CDYL2: variants seen among roughly 807,000 people sequenced by gnomAD.
CDYL2 encodes chromodomain Y-like protein 2.
CDYL2 carries 23 observed loss-of-function variants against 49.4 expected under a neutral mutation model. That is an observed-to-expected ratio of 0.47 (90% CI 0.34 to 0.66). The LOEUF (loss-of-function observed/expected upper bound fraction) is 0.66, where lower values mean the gene tolerates loss of function less well. Among genes scored for constraint, CDYL2 ranks in the 30% least tolerant of loss-of-function variants. The pLI, the probability that CDYL2 is intolerant of heterozygous loss-of-function variation, is 0.01. For missense variants in CDYL2, 678 were observed against 656.4 expected, an observed-to-expected ratio of 1.03 and a Z score of -0.36; for synonymous variants, 360 against 268.8, an observed-to-expected ratio of 1.34 and a Z score of -3.32.
At chr16:80,607,068 G>T (rs7195620) in intron 6 of CDYL2, among the ~76,000 whole-genome samples, 1 of 152,032 alleles carries the variant, frequency 6.6e-6, no homozygotes, top group African/African-American at 2.4e-5. Context: ...GACAAGGTGG[G>T]GCAAATTGGT....
At chr16:80,625,152 A>G (rs1003375375) in intron 3 of CDYL2, among the ~76,000 whole-genome samples, 6 of 152,244 alleles carry the variant, frequency 3.9e-5, no homozygotes, top group Admixed American at 3.9e-4. Flanking sequence ...CCCTTAGGTC[A>G]GATGTCTGAT....
chr16:80,729,074 T>C lies in CDYL2; in HGVS notation c.25-43945A>G, dbSNP rs904092732. On this transcript the variant is annotated intron_variant, in intron 1 of 6. Coordinates refer to ENST00000570137, the MANE Select transcript of CDYL2 (RefSeq NM_152342.4). ...AGAAAATAACCAGCTAACATCATAATGACAGGTTCAAATTCACACATAACA... is the reference window on the plus strand; with the variant it reads ...AGAAAATAACCAGCTAACATCATAACGACAGGTTCAAATTCACACATAACA... Among the ~76,000 whole-genome samples the C allele has an allele frequency of 2.6e-5, 4 of 151,646 alleles. No homozygotes were observed. The South Asian group carries it at 8.3e-4, about 32-fold the overall frequency.
intron 2 of CDYL2, among the ~76,000 whole-genome samples, chr16:80,636,135 G>A (rs566136574): frequency 7.7e-4 from 117 of 152,270 alleles, no homozygotes; most frequent in Non-Finnish European, 1.2e-3. Context: ...TACCATTCAG[G>A]ACATAGGCAT....
intron 2 of CDYL2, among the ~76,000 whole-genome samples, chr16:80,650,931 C>T (rs1908555541): frequency 7.6e-6 from 1 of 132,448 alleles, no homozygotes; most frequent in Non-Finnish European, 1.5e-5. Flanking sequence ...CAATTGAGCT[C>T]ATAGAAATAC....
chr16:80,684,117 C>G (rs1910078207), intron 2 of CDYL2, among the ~76,000 whole-genome samples: 1 of 152,210 alleles, frequency 6.6e-6, no homozygotes, highest in African/African-American at 2.4e-5. Context: ...GGCTACACTG[C>G]TGGGGGCATG....
chr16:80,685,567 G>A (rs761979214), intron 1 of CDYL2, among the ~76,000 whole-genome samples: 30 of 152,032 alleles, frequency 2.0e-4, no homozygotes, highest in Non-Finnish European at 2.8e-4. Flanking sequence ...TATATGGGAG[G>A]TACTATGCCA....
intron 1 of CDYL2, among the ~76,000 whole-genome samples, chr16:80,703,125 T>C (rs1904312199): frequency 6.6e-6 from 1 of 152,166 alleles, no homozygotes. Flanking sequence ...ATGTAGAATA[T>C]GCACATACAC....
rs114222757 is a variant in CDYL2, at chr16:80,708,048, G to A, written c.25-22919C>T. On this transcript the variant is annotated intron_variant, in intron 1 of 6. Coordinates refer to ENST00000570137, the MANE Select transcript of CDYL2 (RefSeq NM_152342.4). The stretch of plus-strand genomic sequence containing the variant: ...TCTTTAGGGGTGGGGCAAAGATGAT[G>A]CCCTTTCCCCCTTCATGCCCCATAG... Among the ~76,000 whole-genome samples the A allele has an allele frequency of 6.3e-3, 966 of 152,270 alleles. 14 individuals carry two copies. Among genetic ancestry groups the A allele is most frequent in the African/African-American group, 0.022 (935 of 41,560 alleles).
At chr16:80,669,772 G>A (rs959682554) in intron 2 of CDYL2, among the ~76,000 whole-genome samples, 9 of 152,148 alleles carry the variant, frequency 5.9e-5, no homozygotes, top group Admixed American at 2.6e-4. Context: ...AGCACCTGTC[G>A]GAACTTGGAC....
intron 1 of CDYL2, among the ~76,000 whole-genome samples, chr16:80,733,573 C>T (rs1425752740): frequency 6.6e-6 from 1 of 152,108 alleles, no homozygotes; most frequent in Non-Finnish European, 1.5e-5. Flanking sequence ...ATCACTATGC[C>T]AAGATGGAGA....
At chr16:80,722,559 C>T (rs563163834) in intron 1 of CDYL2, among the ~76,000 whole-genome samples, 1 of 152,302 alleles carries the variant, frequency 6.6e-6, no homozygotes, top group South Asian at 2.1e-4. Flanking sequence ...CTGTAATTGT[C>T]AGAACATAAC....
intron 1 of CDYL2, among the ~76,000 whole-genome samples, chr16:80,705,951 G>A (rs1473993471): frequency 1.3e-5 from 2 of 152,178 alleles, no homozygotes; most frequent in African/African-American, 4.8e-5. Flanking sequence ...ATTTATTAAG[G>A]GAGAAAAGCA....
intron 2 of CDYL2, among the ~76,000 whole-genome samples, chr16:80,647,166 T>C (rs1908386917): frequency 6.6e-6 from 1 of 152,066 alleles, no homozygotes. Flanking sequence ...GTGAAATATC[T>C]CTACAATAAA....
At chr16:80,755,044 T>A (rs1451281060) in intron 1 of CDYL2, among the ~76,000 whole-genome samples, 1 of 152,170 alleles carries the variant, frequency 6.6e-6, no homozygotes, top group Non-Finnish European at 1.5e-5. Context: ...CCAAATAGAC[T>A]TGTGCTTAAA....
intron 5 of CDYL2, among the ~76,000 whole-genome samples, chr16:80,609,267 C>G (rs907804718): frequency 2.6e-5 from 4 of 152,182 alleles, no homozygotes; most frequent in African/African-American, 7.2e-5. Flanking sequence ...ATGGTCAAAT[C>G]CATGTGATAG....
At chr16:80,765,834 A>C (rs1906703573) in intron 1 of CDYL2, among the ~76,000 whole-genome samples, 1 of 124,782 alleles carries the variant, frequency 8.0e-6, no homozygotes, top group Non-Finnish European at 1.6e-5. Flanking sequence ...TGAGCCCAGG[A>C]GTTTGAGACC....
chr16:80,803,662 C>T (rs1463432692), intron 1 of CDYL2, among the ~76,000 whole-genome samples: 2 of 137,642 alleles, frequency 1.5e-5, no homozygotes, highest in Non-Finnish European at 3.2e-5. Context: ...CGATCGCCCG[C>T]CCCCCTCCTC....
chr16:80,748,255 G>A (rs1411681786), intron 1 of CDYL2, among the ~76,000 whole-genome samples: 3 of 147,180 alleles, frequency 2.0e-5, no homozygotes, highest in Non-Finnish European at 4.5e-5. Context: ...GACCGGGCGC[G>A]CTGGCTCACG....
At position 80,804,141 on chromosome 16, in the gene CDYL2, T is replaced by A; in HGVS notation, c.24+9A>T. 2 of 1,214,464 alleles carry A rather than the reference T, an allele frequency of 1.6e-6. No homozygotes were observed. The highest frequency in any genetic ancestry group is 1.1e-6 in the Non-Finnish European group (1 of 946,484). 75.2% of individuals were successfully genotyped at this position (1,214,464 alleles called of 1,614,324 possible). ...ACTGGGGCCGGCCCGCGCCCCCGCGTCCCCGTACCTCGTAAAGGTCCCCAG... is the reference window on the plus strand; with the variant it reads ...ACTGGGGCCGGCCCGCGCCCCCGCGACCCCGTACCTCGTAAAGGTCCCCAG... On this transcript the variant is annotated intron_variant, in intron 1 of 6. Transcript: ENST00000570137.
Sources: gnomAD v4.1 joint callset for allele counts (sites outside exome capture counted in the v4.1 genomes callset) on GRCh38, gnomAD v4.1.1 for gene constraint, MANE v1.5 for transcripts, NCBI Gene and HGNC (gene_info 2026-07-23, HGNC 2026-07-21) for gene names.